Variants in CBX3 observed in about 807,000 individuals in gnomAD.
CBX3 encodes chromobox 3, also known as chromobox protein homolog 3.
CBX3 carries 5 observed loss-of-function variants against 22.6 expected under a neutral mutation model. The ratio of observed to expected loss-of-function variants is 0.22; its 90% CI spans 0.12 to 0.47. The LOEUF (loss-of-function observed/expected upper bound fraction) is 0.47. CBX3 is among the 20% of genes least tolerant of loss of function. The pLI is 0.99. For missense variants in CBX3, 83 were observed against 208.1 expected (o/e 0.40, Z 3.70); for synonymous variants, 50 against 66.6 (o/e 0.75, Z 1.21).
intron 1 of CBX3, chr7:26,202,093 A>C (rs2128135512): frequency 6.7e-6 from 1 of 150,306 alleles, no homozygotes; most frequent in South Asian, 2.1e-4. Flanking sequence ...GACAAAGCGC[A>C]TTTCCCCCTC....
At chr7:26,202,218 GGCGGCGCGCGGCCGGCTGTCCCGAGGCT>G (rs920740222) in intron 1 of CBX3, 1 of 151,838 alleles carries the variant, frequency 6.6e-6, no homozygotes, top group Non-Finnish European at 1.5e-5. Context: ...CGCGAGGCCT[GGCGGCGCGCGGCCGGCTGTCCCGAGGCT>G]GCGGCGACCG....
chr7:26,210,074 G>C (rs1253434524), intron 4 of CBX3: 1 of 152,096 alleles, frequency 6.6e-6, no homozygotes, highest in East Asian at 1.9e-4. Flanking sequence ...AACATCGCTT[G>C]AGCCCAGGAG....
chr7:26,202,611 T>G (rs1367278540), intron 1 of CBX3: 8 of 234,204 alleles, frequency 3.4e-5, no homozygotes, highest in Non-Finnish European at 6.6e-5. Context: ...TTTACCGTTG[T>G]GAGTTGTTTG....
intron 1 of CBX3, 61 bp from the exon 2 acceptor site, chr7:26,202,910 T>C: frequency 1.9e-6 from 2 of 1,061,134 alleles, no homozygotes; most frequent in Middle Eastern, 4.0e-4. Context: ...AAACAGAATT[T>C]GTATTTAGTT....
chr7:26,207,926 A>G (rs188244976), intron 3 of CBX3, among the ~76,000 whole-genome samples: 238 of 151,512 alleles, frequency 1.6e-3, no homozygotes, highest in African/African-American at 5.2e-3. Context: ...ATTAGAATAT[A>G]GGGCCTGGGT....
At chr7:26,211,406 T>C (rs143224601) in intron 4 of CBX3, among the ~76,000 whole-genome samples, 3 of 152,320 alleles carry the variant, frequency 2.0e-5, no homozygotes, top group South Asian at 4.1e-4. Context: ...ACTCTGACTT[T>C]GGTGTCATTG....
rs78265643 is a variant in CBX3, at chr7:26,212,581, TTTG to T, written c.*375_*377del. On this transcript the variant is annotated 3_prime_UTR_variant, in exon 6 of 6. Transcript: ENST00000396386. Reference sequence around the variant, plus strand: ...ACCATTCTAGATTTATTACGTGTTTTTTGTGTGTGTGTGTGTGTGTGTGTGTGT... The same window carrying T: ...ACCATTCTAGATTTATTACGTGTTTTTGTGTGTGTGTGTGTGTGTGTGTGT... 9.8e-5 allele frequency: 4 copies of T among 40,740 alleles called. No individual in the cohort carries two copies. Among genetic ancestry groups the T allele is most frequent in the Non-Finnish European group, 2.0e-4 (3 of 15,184 alleles). 2.5% of individuals were successfully genotyped at this position (40,740 alleles called of 1,614,324 possible). A position where few individuals can be genotyped will look rare whatever the true frequency, so the allele number is the denominator to read the frequency against.
Position 26,203,875 on chromosome 7 carries a change from G to A in CBX3, c.24+853G>A, listed in dbSNP as rs924789483. On this transcript the variant is annotated intron_variant, in intron 2 of 5. Coordinates refer to ENST00000396386, the MANE Select transcript of CBX3 (RefSeq NM_016587.4). ...CATCATTAGATTCTGCATTAAGTCT[G>A]TTTACCCTGCATTAGATTCTGCATT... Among the ~76,000 whole-genome samples the A allele has an allele frequency of 2.6e-5, 4 of 152,130 alleles. No homozygotes were observed. The South Asian group carries it at 8.3e-4, about 32-fold the overall frequency.
At chr7:26,206,095 A>G (rs571673313) in intron 2 of CBX3, 13 of 310,422 alleles carry the variant, frequency 4.2e-5, no homozygotes, top group Admixed American at 2.5e-4. Context: ...CCTGTCTCAA[A>G]AAAAAAGACT....
intron 1 of CBX3, 48 bp from the exon 2 acceptor site, chr7:26,202,923 C>T (rs117091957): frequency 3.0e-4 from 367 of 1,221,104 alleles, no homozygotes; most frequent in Non-Finnish European, 4.3e-4. Context: ...ATTTAGTTAC[C>T]TTTTTTGTGT....
intron 2 of CBX3, 43 bp downstream of exon 2, chr7:26,203,065 G>GTT: frequency 6.9e-7 from 1 of 1,450,210 alleles, no homozygotes; most frequent in Non-Finnish European, 9.6e-7. Context: ...TTTAACTCAA[G>GTT]TTTTTTTTCC....
chr7:26,204,811 CAG>C (rs369634377), intron 2 of CBX3, among the ~76,000 whole-genome samples: 56 of 152,102 alleles, frequency 3.7e-4, no homozygotes, highest in South Asian at 1.9e-3. Flanking sequence ...TTTTTTGAGA[CAG>C]AGTTTTTCTC....
intron 5 of CBX3, 133 bp downstream of exon 5, chr7:26,211,889 T>C (rs1784808957): frequency 2.3e-6 from 2 of 851,528 alleles, no homozygotes; most frequent in African/African-American, 1.7e-5. Context: ...TTACTAGTAG[T>C]GTTTTAAAGC....
rs1365692237 is a variant in CBX3, at chr7:26,212,720, T to TA, written c.*514dup. 3.9e-5 allele frequency: 6 copies of TA among 152,328 alleles called. No individual in the cohort carries two copies. The East Asian group carries it at 1.2e-3, about 29-fold the overall frequency. The allele number at this position is 152,328 out of a possible 1,614,324, so 9.4% of individuals were successfully genotyped here. A position where few individuals can be genotyped will look rare whatever the true frequency, so the allele number is the denominator to read the frequency against. ...TGAGATGCCATTATTCCAAGCAAAA[T>TA]AAGAGATAATCCCTTCAAGTTAAAT... On this transcript the variant is annotated 3_prime_UTR_variant, in exon 6 of 6. Coordinates refer to ENST00000396386, the MANE Select transcript of CBX3 (RefSeq NM_016587.4).
intron 1 of CBX3, chr7:26,202,202 C>G (rs574580201): frequency 1.3e-5 from 2 of 151,870 alleles, no homozygotes; most frequent in Non-Finnish European, 2.9e-5. Context: ...CGCGTGGTCC[C>G]GCGTCCGCGA....
chr7:26,206,181 T>C (rs1196076486), intron 2 of CBX3, 187 bp from the exon 3 acceptor site: 5 of 518,004 alleles, frequency 9.7e-6, no homozygotes, highest in African/African-American at 7.8e-5. Flanking sequence ...TTGAACTAAA[T>C]GAACAAGATA....
chr7:26,206,349 C>T lies in CBX3; in HGVS notation c.25-19C>T, dbSNP rs747054756. ...ATTCAAGAGGAATATTTCTTAATTT[C>T]TCTTTTGTTTTATTTTAGCAAAAAA... On this transcript the variant is annotated intron_variant, in intron 2 of 5. Transcript: ENST00000396386. 8 of 1,528,662 alleles carry T rather than the reference C, an allele frequency of 5.2e-6. 1 individual carries two copies. In the African/African-American group the frequency reaches 8.4e-5, roughly 16 times the overall value. The allele number at this position is 1,528,662 out of a possible 1,614,324, so 94.7% of individuals were successfully genotyped here.
rs1229367954 is a variant in CBX3, at chr7:26,213,153, A to G, written c.*945A>G. 1 of 152,666 alleles carries G rather than the reference A, an allele frequency of 6.6e-6. No homozygotes were observed. Among genetic ancestry groups the G allele is most frequent in the African/African-American group, 2.4e-5 (1 of 41,474 alleles). The allele number at this position is 152,666 out of a possible 1,614,324, so 9.5% of individuals were successfully genotyped here. A position where few individuals can be genotyped will look rare whatever the true frequency, so the allele number is the denominator to read the frequency against. ...CATAAATGTGTGAACAACCTTTTGTAACCTAACCTATTGACCTGCATGTTT... is the reference window on the plus strand; with the variant it reads ...CATAAATGTGTGAACAACCTTTTGTGACCTAACCTATTGACCTGCATGTTT... On this transcript the variant is annotated 3_prime_UTR_variant, in exon 6 of 6. Transcript: ENST00000396386.
chr7:26,206,341 C>G (rs1239928216), intron 2 of CBX3, 27 bp from the exon 3 acceptor site: 33 of 1,069,724 alleles, frequency 3.1e-5, no homozygotes, highest in Non-Finnish European at 4.1e-5. Flanking sequence ...AGGAATATTT[C>G]TTAATTTCTC....
Sources: allele counts gnomAD v4.1 joint callset (sites outside exome capture counted in the v4.1 genomes callset), GRCh38; gene constraint gnomAD v4.1.1; transcripts MANE v1.5; gene names NCBI Gene and HGNC (gene_info 2026-07-23, HGNC 2026-07-21).